Variants in MACROD2 observed in about 807,000 individuals in gnomAD.
MACROD2 encodes ADP-ribose glycohydrolase MACROD2.
In MACROD2, 36 loss-of-function variants were observed where a neutral mutation model predicts 70.4. The ratio of observed to expected loss-of-function variants is 0.51; its 90% CI spans 0.39 to 0.68. MACROD2 has a LOEUF of 0.68. Among genes scored for constraint, MACROD2 ranks in the 30% least tolerant of loss-of-function variants. The pLI, the probability that MACROD2 is intolerant of heterozygous loss-of-function variation, is 0.00. For missense variants in MACROD2, 496 were observed against 538.4 expected (o/e 0.92, Z 0.78); for synonymous variants, 172 against 178.8 (o/e 0.96, Z 0.30).
chr20:14,799,507 G>A (rs1274057108), intron 5 of MACROD2, among the ~76,000 whole-genome samples: 2 of 152,170 alleles, frequency 1.3e-5, no homozygotes, highest in East Asian at 1.9e-4. Flanking sequence ...CTGCATTAAC[G>A]AGGAAAGTAT....
At chr20:14,554,986 G>C (rs193060912) in intron 4 of MACROD2, among the ~76,000 whole-genome samples, 2 of 150,848 alleles carry the variant, frequency 1.3e-5, no homozygotes, top group African/African-American at 4.9e-5. Flanking sequence ...TTAGAGGTAG[G>C]GGGTAGGGAT....
At chr20:14,926,062 G>A (rs1056997767) in intron 5 of MACROD2, among the ~76,000 whole-genome samples, 1 of 152,158 alleles carries the variant, frequency 6.6e-6, no homozygotes, top group African/African-American at 2.4e-5. Context: ...TAACAAATCT[G>A]TATCAGTAAG....
intron 4 of MACROD2, among the ~76,000 whole-genome samples, chr20:14,579,791 GAATT>G (rs1410430730): frequency 1.3e-5 from 2 of 152,176 alleles, no homozygotes; most frequent in Non-Finnish European, 2.9e-5. Context: ...AAAGAGATGA[GAATT>G]AATACACTCA....
At chr20:14,860,866 A>T (rs184178670) in intron 5 of MACROD2, among the ~76,000 whole-genome samples, 3 of 152,116 alleles carry the variant, frequency 2.0e-5, no homozygotes, top group African/African-American at 7.2e-5. Flanking sequence ...TGGCTATTTT[A>T]GAAAACATAC....
At chr20:14,025,831 G>T (rs2053155498) in intron 2 of MACROD2, among the ~76,000 whole-genome samples, 1 of 152,170 alleles carries the variant, frequency 6.6e-6, no homozygotes, top group Non-Finnish European at 1.5e-5. Context: ...TTTATTTGGG[G>T]TGTAGAGTTC....
At chr20:14,606,897 G>A (rs1404835799) in intron 4 of MACROD2, among the ~76,000 whole-genome samples, 1 of 152,100 alleles carries the variant, frequency 6.6e-6, no homozygotes, top group East Asian at 1.9e-4. Context: ...AACTTTTGTT[G>A]TGTAAGTAAC....
intron 4 of MACROD2, among the ~76,000 whole-genome samples, chr20:14,583,459 A>G (rs1981175600): frequency 6.6e-6 from 1 of 152,156 alleles, no homozygotes; most frequent in African/African-American, 2.4e-5. Flanking sequence ...AGCCTCAGTA[A>G]TAGATCTGTA....
intron 5 of MACROD2, among the ~76,000 whole-genome samples, chr20:14,824,030 G>A (rs1255649979): frequency 6.6e-6 from 1 of 152,052 alleles, no homozygotes; most frequent in East Asian, 1.9e-4. Context: ...TGGACTGCAG[G>A]AGGAGAAATA....
At chr20:14,397,534 C>G (rs1015414082) in intron 3 of MACROD2, among the ~76,000 whole-genome samples, 1 of 152,064 alleles carries the variant, frequency 6.6e-6, no homozygotes, top group Non-Finnish European at 1.5e-5. Flanking sequence ...ACACTATTAT[C>G]TTTACATAAA....
intron 8 of MACROD2, among the ~76,000 whole-genome samples, chr20:15,550,590 C>T (rs1188696553): frequency 3.9e-5 from 6 of 152,056 alleles, no homozygotes; most frequent in African/African-American, 4.8e-5. Context: ...TATGAGCAAT[C>T]AAGAAGTGAC....
chr20:14,593,855 T>A (rs1568688573), intron 4 of MACROD2, among the ~76,000 whole-genome samples: 1 of 152,194 alleles, frequency 6.6e-6, no homozygotes, highest in African/African-American at 2.4e-5. Flanking sequence ...TTTACTTAAC[T>A]AGACATTAAG....
At chr20:14,737,264 C>G (rs13038917) in intron 5 of MACROD2, among the ~76,000 whole-genome samples, 61,410 of 151,954 alleles carry the variant, frequency 0.4, 13,814 homozygotes, top group Non-Finnish European at 0.51. Flanking sequence ...TCATCCATGT[C>G]CCTGCAAAGG....
At chr20:14,586,762 A>G (rs1981407211) in intron 4 of MACROD2, among the ~76,000 whole-genome samples, 1 of 151,982 alleles carries the variant, frequency 6.6e-6, no homozygotes, top group Non-Finnish European at 1.5e-5. Flanking sequence ...TGTCATATCT[A>G]GAATCTCACA....
chr20:15,856,863 G>A (rs926471305), intron 8 of MACROD2, among the ~76,000 whole-genome samples: 1 of 152,204 alleles, frequency 6.6e-6, no homozygotes, highest in African/African-American at 2.4e-5. Flanking sequence ...TACAAGCGGG[G>A]ATGGAAACTT....
At chr20:15,386,086 T>C (rs1039495667) in intron 6 of MACROD2, among the ~76,000 whole-genome samples, 2 of 152,286 alleles carry the variant, frequency 1.3e-5, no homozygotes, top group African/African-American at 4.8e-5. Flanking sequence ...CACAAGGAGA[T>C]GACAGCTGTC....
chr20:14,757,450 C>A, intron 5 of MACROD2: 1 of 465,672 alleles, frequency 2.1e-6, no homozygotes, highest in Non-Finnish European at 3.9e-6. Flanking sequence ...AAAAGTACAA[C>A]TTTGGACAAT....
chr20:15,901,978 G>A (rs2065070906), intron 10 of MACROD2, among the ~76,000 whole-genome samples: 1 of 152,208 alleles, frequency 6.6e-6, no homozygotes, highest in Non-Finnish European at 1.5e-5. Context: ...CCTGATAAGT[G>A]TTTCTCAAAA....
intron 4 of MACROD2, among the ~76,000 whole-genome samples, chr20:14,600,675 G>A (rs577743080): frequency 8.7e-4 from 133 of 152,222 alleles, no homozygotes; most frequent in African/African-American, 2.9e-3. Context: ...GGATTTGAAC[G>A]CAGGCACACA....
chr20:15,874,193 G>C (rs2064632151), intron 9 of MACROD2, among the ~76,000 whole-genome samples: 1 of 151,488 alleles, frequency 6.6e-6, no homozygotes, highest in Non-Finnish European at 1.5e-5. Context: ...GTGATGTTTT[G>C]CTGAGAATGA....
Sources: allele counts gnomAD v4.1 joint callset (sites outside exome capture counted in the v4.1 genomes callset), GRCh38; gene constraint gnomAD v4.1.1; transcripts MANE v1.5; gene names NCBI Gene and HGNC (gene_info 2026-07-23, HGNC 2026-07-21).